Variants in CADM2 observed in about 807,000 individuals in gnomAD.
CADM2 encodes immunoglobulin superfamily member 4D.
In CADM2, 12 loss-of-function variants were observed where a neutral mutation model predicts 49.8. That is an observed-to-expected ratio of 0.24 (90% CI 0.15 to 0.39). The LOEUF is 0.39. Among genes scored for constraint, CADM2 ranks in the 10% least tolerant of loss-of-function variants. The probability of loss-of-function intolerance (pLI) is 1.00; values close to 1 mark genes in which losing one functional copy is unlikely to be tolerated. For synonymous variants in CADM2, 214 were observed against 175.4 expected (o/e 1.22, Z -1.74); for missense variants, 378 against 492.3 (o/e 0.77, Z 2.20).
chr3:85,614,967 T>C (rs2063762707), intron 1 of CADM2, among the ~76,000 whole-genome samples: 1 of 152,028 alleles, frequency 6.6e-6, no homozygotes, highest in Admixed American at 6.6e-5. Context: ...GAGCCACTTG[T>C]AGCCTTTGAT....
At chr3:85,151,385 T>A (rs2039918963) in intron 1 of CADM2, among the ~76,000 whole-genome samples, 1 of 152,192 alleles carries the variant, frequency 6.6e-6, no homozygotes. Flanking sequence ...TTTTGTCCTT[T>A]TTCTTACTCC....
intron 2 of CADM2, among the ~76,000 whole-genome samples, chr3:85,765,633 A>G (rs1238481010): frequency 6.6e-6 from 1 of 151,976 alleles, no homozygotes; most frequent in Non-Finnish European, 1.5e-5. Context: ...GATTTTAGCT[A>G]TTCAATCACA....
At chr3:85,146,418 G>A (rs1400519684) in intron 1 of CADM2, among the ~76,000 whole-genome samples, 11 of 151,998 alleles carry the variant, frequency 7.2e-5, no homozygotes, top group Admixed American at 6.6e-4. Context: ...AATGAAAGCA[G>A]GTAGAAGCGA....
At chr3:84,983,626 C>T (rs868279067) in intron 1 of CADM2, among the ~76,000 whole-genome samples, 6 of 151,952 alleles carry the variant, frequency 3.9e-5, no homozygotes, top group Admixed American at 1.3e-4. Context: ...AATTAGGAAA[C>T]GAAGAGAAGT....
chr3:85,921,563 C>T (rs1424476136), intron 6 of CADM2, among the ~76,000 whole-genome samples: 1 of 152,002 alleles, frequency 6.6e-6, no homozygotes, highest in Admixed American at 6.6e-5. Context: ...CCCATATACA[C>T]CCTCTCCTCA....
At chr3:85,371,830 G>A (rs1329591101) in intron 1 of CADM2, among the ~76,000 whole-genome samples, 1 of 150,988 alleles carries the variant, frequency 6.6e-6, no homozygotes, top group Non-Finnish European at 1.5e-5. Context: ...CCAGAGGGCT[G>A]ACTGCAGAAT....
intron 2 of CADM2, among the ~76,000 whole-genome samples, chr3:85,792,709 T>C (rs2071407280): frequency 6.6e-6 from 1 of 152,206 alleles, no homozygotes; most frequent in South Asian, 2.1e-4. Context: ...TTGCCACCAC[T>C]CATCATCCAA....
At chr3:85,448,987 T>C (rs1352685092) in intron 1 of CADM2, among the ~76,000 whole-genome samples, 1 of 150,434 alleles carries the variant, frequency 6.6e-6, no homozygotes, top group Admixed American at 6.7e-5. Flanking sequence ...GAGGCGGAAG[T>C]TGCAGTGAGC....
At chr3:85,157,861 G>A (rs1444765332) in intron 1 of CADM2, among the ~76,000 whole-genome samples, 1 of 152,178 alleles carries the variant, frequency 6.6e-6, no homozygotes, top group Non-Finnish European at 1.5e-5. Context: ...AAACTAAAGA[G>A]CTTCTGCGCA....
At chr3:85,171,134 C>G (rs1395069174) in intron 1 of CADM2, among the ~76,000 whole-genome samples, 1 of 151,916 alleles carries the variant, frequency 6.6e-6, no homozygotes, top group Non-Finnish European at 1.5e-5. Flanking sequence ...AAGTCAATAA[C>G]CTGAAGTTAT....
At chr3:85,663,955 G>A (rs61153638) in intron 1 of CADM2, among the ~76,000 whole-genome samples, 9,695 of 151,858 alleles carry the variant, frequency 0.064, 966 homozygotes, top group African/African-American at 0.22. Context: ...TAGAATTTTC[G>A]TCTTACGCAA....
intron 1 of CADM2, among the ~76,000 whole-genome samples, chr3:85,454,312 C>T (rs111231703): frequency 0.048 from 7,275 of 152,020 alleles, 578 homozygotes; most frequent in African/African-American, 0.16. Context: ...GCCTGGGCAA[C>T]AGAGTGAGAC....
At chr3:85,110,792 G>A (rs879714401) in intron 1 of CADM2, among the ~76,000 whole-genome samples, 11 of 151,724 alleles carry the variant, frequency 7.3e-5, no homozygotes, top group Non-Finnish European at 1.6e-4. Context: ...GGACATAATA[G>A]GAGGGCAAAG....
chr3:85,862,502 A>G (rs2075574488), intron 3 of CADM2, among the ~76,000 whole-genome samples: 1 of 152,320 alleles, frequency 6.6e-6, no homozygotes, highest in South Asian at 2.1e-4. Context: ...ATTGTGAGCA[A>G]TGGTGACAAT....
chr3:85,810,288 T>C (rs2072770800), intron 3 of CADM2, among the ~76,000 whole-genome samples: 1 of 152,060 alleles, frequency 6.6e-6, no homozygotes, highest in Non-Finnish European at 1.5e-5. Context: ...AAACCATAGG[T>C]CAAGGGATCC....
At chr3:85,333,724 C>A (rs1224421645) in intron 1 of CADM2, among the ~76,000 whole-genome samples, 3 of 151,748 alleles carry the variant, frequency 2.0e-5, no homozygotes, top group Non-Finnish European at 4.4e-5. Flanking sequence ...CAAATTCAAG[C>A]GGATGATTGG....
chr3:85,121,646 T>G (rs2038868107), intron 1 of CADM2, among the ~76,000 whole-genome samples: 1 of 152,216 alleles, frequency 6.6e-6, no homozygotes, highest in Admixed American at 6.5e-5. Context: ...TTTGTGTTAT[T>G]TAGTATTCAA....
intron 1 of CADM2, among the ~76,000 whole-genome samples, chr3:85,447,801 A>G (rs1340353884): frequency 2.6e-5 from 4 of 152,198 alleles, no homozygotes; most frequent in South Asian, 2.1e-4. Flanking sequence ...TGAATACATT[A>G]TCTTTTTTCC....
chr3:85,647,902 C>T (rs2064934871), intron 1 of CADM2, among the ~76,000 whole-genome samples: 1 of 151,764 alleles, frequency 6.6e-6, no homozygotes, highest in South Asian at 2.1e-4. Flanking sequence ...GTTTATGTAT[C>T]AATAGATCCT....
Sources: allele counts gnomAD v4.1 joint callset (sites outside exome capture counted in the v4.1 genomes callset), GRCh38; gene constraint gnomAD v4.1.1; transcripts MANE v1.5; gene names NCBI Gene and HGNC (gene_info 2026-07-23, HGNC 2026-07-21).